Variants in CDH13 observed in about 807,000 individuals in gnomAD.
The protein encoded by CDH13 is cadherin 13.
Under a neutral mutation model 63.8 loss-of-function variants are expected in CDH13, and 24 were observed. The observed-to-expected ratio is 0.38, with a 90% CI of 0.27 to 0.53. CDH13 has a LOEUF of 0.53. Among genes scored for constraint, CDH13 ranks in the 20% least tolerant of loss-of-function variants. The pLI is 0.85. For synonymous variants in CDH13, 503 were observed against 355.3 expected, an observed-to-expected ratio of 1.42 and a Z score of -4.67; for missense variants, 1,049 against 903.1, an observed-to-expected ratio of 1.16 and a Z score of -2.07.
chr16:83,706,462 AG>A (rs1365198357), intron 10 of CDH13, among the ~76,000 whole-genome samples: 1 of 152,210 alleles, frequency 6.6e-6, no homozygotes, highest in African/African-American at 2.4e-5. Context: ...ATAGAGCCAA[AG>A]TCTGCATGAA....
chr16:83,569,433 G>C (rs1181166519), intron 7 of CDH13, among the ~76,000 whole-genome samples: 1 of 152,218 alleles, frequency 6.6e-6, no homozygotes, highest in South Asian at 2.1e-4. Context: ...TAGACAATTT[G>C]CAGTGGATAC....
At chr16:82,720,302 T>C (rs2032686216) in intron 1 of CDH13, among the ~76,000 whole-genome samples, 1 of 152,228 alleles carries the variant, frequency 6.6e-6, no homozygotes, top group Non-Finnish European at 1.5e-5. Flanking sequence ...AGTGCTTTCT[T>C]ACTGCATTGT....
intron 5 of CDH13, among the ~76,000 whole-genome samples, chr16:83,223,236 A>T (rs748966297): frequency 6.6e-6 from 1 of 152,218 alleles, no homozygotes; most frequent in Non-Finnish European, 1.5e-5. Context: ...TTGTAAGGCC[A>T]TTCTCTTCTT....
chr16:82,794,039 T>C (rs1269126839), intron 1 of CDH13, among the ~76,000 whole-genome samples: 1 of 151,978 alleles, frequency 6.6e-6, no homozygotes, highest in African/African-American at 2.4e-5. Flanking sequence ...GAAAGGGAAC[T>C]GGGGTATAAC....
chr16:82,797,359 G>A lies in CDH13; in HGVS notation c.46-61003G>A, dbSNP rs111285397. Among the ~76,000 whole-genome samples, 13 of 152,238 alleles carry A rather than the reference G, an allele frequency of 8.5e-5. 1 individual carries two copies. Among genetic ancestry groups the A allele is most frequent in the African/African-American group, 2.9e-4 (12 of 41,538 alleles). On this transcript the variant is annotated intron_variant, in intron 1 of 13. Coordinates refer to ENST00000567109, the MANE Select transcript of CDH13 (RefSeq NM_001257.5). ...CTACGGTAGCTGCAGAAAGAGCATC[G>A]CCACCATGCATCATTAGTGCAGAGC... is the stretch of plus-strand genomic sequence containing the variant.
At chr16:83,552,817 C>T (rs182183519) in intron 7 of CDH13, among the ~76,000 whole-genome samples, 337 of 152,296 alleles carry the variant, frequency 2.2e-3, no homozygotes, top group African/African-American at 7.2e-3. Flanking sequence ...CGCAGTGGCT[C>T]ACACCTGTAA....
intron 3 of CDH13, among the ~76,000 whole-genome samples, chr16:83,099,542 T>G (rs1325491132): frequency 1.3e-5 from 2 of 151,606 alleles, no homozygotes; most frequent in Non-Finnish European, 2.9e-5. Flanking sequence ...CAGGCTGGTC[T>G]CGAAGTCCTA....
chr16:83,729,430 G>C (rs1276781848), intron 10 of CDH13, among the ~76,000 whole-genome samples: 2 of 152,094 alleles, frequency 1.3e-5, no homozygotes, highest in South Asian at 2.1e-4. Flanking sequence ...ACAAATATAG[G>C]CTCATGGTAA....
chr16:82,984,051 A>G (rs902986258), intron 2 of CDH13, among the ~76,000 whole-genome samples: 2 of 152,236 alleles, frequency 1.3e-5, no homozygotes, highest in Non-Finnish European at 1.5e-5. Flanking sequence ...AGACAGTTGT[A>G]GAAATTCAAA....
intron 6 of CDH13, chr16:83,383,201 C>G (rs1177202104): frequency 1.3e-5 from 2 of 152,174 alleles, no homozygotes; most frequent in Non-Finnish European, 2.9e-5. Context: ...GTCATACGTT[C>G]TGGGGAGAAA....
chr16:82,973,049 T>C (rs1361364635), intron 2 of CDH13, among the ~76,000 whole-genome samples: 1 of 152,202 alleles, frequency 6.6e-6, no homozygotes, highest in Non-Finnish European at 1.5e-5. Context: ...CTGCCACTTT[T>C]TGAAATAGTT....
intron 1 of CDH13, among the ~76,000 whole-genome samples, chr16:82,812,539 A>G (rs1408160718): frequency 1.3e-5 from 2 of 152,042 alleles, no homozygotes; most frequent in African/African-American, 4.8e-5. Flanking sequence ...CAGTGAGAAG[A>G]GAGGAGAGGA....
intron 6 of CDH13, among the ~76,000 whole-genome samples, chr16:83,469,574 C>A: frequency 6.6e-6 from 1 of 152,152 alleles, no homozygotes; most frequent in Non-Finnish European, 1.5e-5. Context: ...CAACCTTGAT[C>A]ATGGGTTTTT....
chr16:82,951,521 A>C (rs904165523), intron 2 of CDH13, among the ~76,000 whole-genome samples: 75 of 152,274 alleles, frequency 4.9e-4, no homozygotes, highest in African/African-American at 1.8e-3. Flanking sequence ...ATCTAAAAGA[A>C]CCACATTTAG....
chr16:83,498,934 T>G (rs889886214), intron 7 of CDH13, among the ~76,000 whole-genome samples: 2 of 152,182 alleles, frequency 1.3e-5, no homozygotes, highest in African/African-American at 4.8e-5. Flanking sequence ...GAACAGACTC[T>G]CTCCTGCCCT....
At chr16:83,056,863 C>T (rs781151099) in intron 3 of CDH13, among the ~76,000 whole-genome samples, 36 of 152,166 alleles carry the variant, frequency 2.4e-4, no homozygotes, top group Non-Finnish European at 4.7e-4. Flanking sequence ...TGCCTGCTGC[C>T]GTGTAGGATG....
At chr16:83,679,637 G>C (rs1053695283) in intron 10 of CDH13, among the ~76,000 whole-genome samples, 1 of 151,866 alleles carries the variant, frequency 6.6e-6, no homozygotes, top group African/African-American at 2.4e-5. Flanking sequence ...TTTTTTTCTT[G>C]TTGCTATCTG....
intron 8 of CDH13, among the ~76,000 whole-genome samples, chr16:83,662,539 G>A (rs1913531994): frequency 6.6e-6 from 1 of 152,204 alleles, no homozygotes; most frequent in Admixed American, 6.5e-5. Flanking sequence ...CAGAATCGGG[G>A]CGGGGTGGCT....
intron 7 of CDH13, among the ~76,000 whole-genome samples, chr16:83,511,210 C>A (rs1183022914): frequency 6.6e-6 from 1 of 152,180 alleles, no homozygotes; most frequent in African/African-American, 2.4e-5. Context: ...ACCTGTGATC[C>A]CAACACTTTG....
Sources: gnomAD v4.1 joint callset for allele counts (sites outside exome capture counted in the v4.1 genomes callset) on GRCh38, gnomAD v4.1.1 for gene constraint, MANE v1.5 for transcripts, NCBI Gene and HGNC (gene_info 2026-07-23, HGNC 2026-07-21) for gene names.